Variants in AGBL1 observed in about 807,000 individuals in gnomAD.
The protein encoded by AGBL1 is AGBL carboxypeptidase 1, also known as cytosolic carboxypeptidase 4.
AGBL1 carries 130 observed loss-of-function variants against 118.9 expected under a neutral mutation model. The ratio of observed to expected loss-of-function variants is 1.09; its 90% CI spans 0.95 to 1.26. AGBL1 has a LOEUF of 1.26. Among genes scored for constraint, AGBL1 ranks in the 50% most tolerant of loss-of-function variants. AGBL1 has a pLI of 0.00. For missense variants in AGBL1, 1,584 were observed against 1,298.1 expected, an observed-to-expected ratio of 1.22 and a Z score of -3.38; for synonymous variants, 555 against 478.9, an observed-to-expected ratio of 1.16 and a Z score of -2.08.
chr15:86,746,489 G>A (rs974919212), intron 22 of AGBL1, among the ~76,000 whole-genome samples: 3 of 151,846 alleles, frequency 2.0e-5, no homozygotes, highest in Non-Finnish European at 2.9e-5. Flanking sequence ...CAGAGCTCAG[G>A]CCTAGACTTA....
chr15:86,441,787 G>A (rs1037694233), intron 18 of AGBL1, among the ~76,000 whole-genome samples: 7 of 152,218 alleles, frequency 4.6e-5, no homozygotes, highest in Non-Finnish European at 7.3e-5. Flanking sequence ...AGTTAAGCCA[G>A]AATCTTCTGT....
chr15:86,321,843 T>C (rs2080109808), intron 17 of AGBL1, among the ~76,000 whole-genome samples: 1 of 149,172 alleles, frequency 6.7e-6, no homozygotes, highest in Non-Finnish European at 1.5e-5. Flanking sequence ...GGCTTTTCTA[T>C]GTGATATTTT....
At chr15:86,131,609 A>T (rs973591292) in intron 1 of AGBL1, among the ~76,000 whole-genome samples, 2 of 152,192 alleles carry the variant, frequency 1.3e-5, no homozygotes, top group African/African-American at 4.8e-5. Flanking sequence ...TTTAAGAATT[A>T]AGCAGTAAAT....
At chr15:86,935,085 T>G (rs1011956213) in intron 23 of AGBL1, 1 of 152,218 alleles carries the variant, frequency 6.6e-6, no homozygotes, top group Non-Finnish European at 1.5e-5. Flanking sequence ...TCCTCCAGGC[T>G]GAACCAGATT....
intron 18 of AGBL1, among the ~76,000 whole-genome samples, chr15:86,445,886 T>C (rs1430681929): frequency 1.3e-5 from 2 of 152,166 alleles, no homozygotes; most frequent in Admixed American, 1.3e-4. Flanking sequence ...GACAGTGACA[T>C]ATGGGAAAGG....
At chr15:86,126,664 G>A (rs1898452779) in intron 1 of AGBL1, among the ~76,000 whole-genome samples, 1 of 152,120 alleles carries the variant, frequency 6.6e-6, no homozygotes, top group Non-Finnish European at 1.5e-5. Flanking sequence ...CTGAAGAAGG[G>A]GTTAGTGGGA....
chr15:86,483,272 C>G (rs991061073), intron 18 of AGBL1, among the ~76,000 whole-genome samples: 12 of 152,062 alleles, frequency 7.9e-5, no homozygotes, highest in African/African-American at 2.9e-4. Flanking sequence ...AGAACCACTT[C>G]ATGGTTGATG....
At chr15:86,357,958 C>T (rs1051114127) in intron 17 of AGBL1, among the ~76,000 whole-genome samples, 4 of 152,066 alleles carry the variant, frequency 2.6e-5, no homozygotes, top group African/African-American at 9.7e-5. Flanking sequence ...TGTGCAGATA[C>T]ATTGTGAAAT....
At chr15:86,790,470 T>C (rs1016342182) in intron 22 of AGBL1, among the ~76,000 whole-genome samples, 2 of 152,170 alleles carry the variant, frequency 1.3e-5, no homozygotes, top group African/African-American at 4.8e-5. Context: ...TGTTTGAGCT[T>C]CCTCAGAGCT....
At chr15:86,647,512 C>G (rs2085302315) in intron 21 of AGBL1, among the ~76,000 whole-genome samples, 2 of 152,086 alleles carry the variant, frequency 1.3e-5, no homozygotes, top group African/African-American at 4.8e-5. Context: ...ACCAGCCTGC[C>G]CAACATGGTG....
chr15:86,084,183 T>C (rs1385402765), intron 1 of AGBL1, among the ~76,000 whole-genome samples: 1 of 152,192 alleles, frequency 6.6e-6, no homozygotes, highest in East Asian at 1.9e-4. Flanking sequence ...AGGAATGGCT[T>C]TGTGACAATC....
intron 18 of AGBL1, among the ~76,000 whole-genome samples, chr15:86,502,729 A>G (rs917247226): frequency 2.0e-5 from 3 of 151,458 alleles, no homozygotes; most frequent in East Asian, 1.9e-4. Flanking sequence ...ATGGATTTAC[A>G]TACATTGAAC....
At chr15:86,561,001 A>G (rs1399925144) in intron 21 of AGBL1, among the ~76,000 whole-genome samples, 1 of 151,924 alleles carries the variant, frequency 6.6e-6, no homozygotes, top group Non-Finnish European at 1.5e-5. Context: ...TTTTCTTGTA[A>G]ATTTGTTTGA....
intron 22 of AGBL1, among the ~76,000 whole-genome samples, chr15:86,767,825 T>C (rs1194807905): frequency 6.6e-6 from 1 of 151,996 alleles, no homozygotes; most frequent in Non-Finnish European, 1.5e-5. Flanking sequence ...CTGTAAAGCA[T>C]GCCACCATCT....
chr15:86,466,141 C>T (rs1041131818), intron 18 of AGBL1, among the ~76,000 whole-genome samples: 3 of 152,088 alleles, frequency 2.0e-5, no homozygotes, highest in Admixed American at 1.3e-4. Flanking sequence ...CTGGTTCCCC[C>T]GATATTTGGT....
chr15:86,969,059 T>C (rs904016905), intron 23 of AGBL1, among the ~76,000 whole-genome samples: 10 of 151,984 alleles, frequency 6.6e-5, no homozygotes, highest in Non-Finnish European at 1.5e-5. Context: ...ACTCTGCCCA[T>C]GGCCTCCCAA....
At chr15:86,616,174 TA>T (rs1300804069) in intron 21 of AGBL1, among the ~76,000 whole-genome samples, 1 of 151,706 alleles carries the variant, frequency 6.6e-6, no homozygotes, top group African/African-American at 2.4e-5. Flanking sequence ...CCGTCTCTAC[TA>T]AAAGTACAGA....
intron 22 of AGBL1, among the ~76,000 whole-genome samples, chr15:86,868,434 G>A (rs1312837109): frequency 6.6e-6 from 1 of 152,184 alleles, no homozygotes; most frequent in Non-Finnish European, 1.5e-5. Context: ...TTAGCACCAA[G>A]CTAAGGGAAT....
At chr15:86,768,715 A>C (rs1168112723) in intron 22 of AGBL1, among the ~76,000 whole-genome samples, 1 of 151,974 alleles carries the variant, frequency 6.6e-6, no homozygotes, top group Non-Finnish European at 1.5e-5. Flanking sequence ...TATAAAAATT[A>C]AACCATATGA....
Sources: gnomAD v4.1 joint callset for allele counts (sites outside exome capture counted in the v4.1 genomes callset) on GRCh38, gnomAD v4.1.1 for gene constraint, MANE v1.5 for transcripts, NCBI Gene and HGNC (gene_info 2026-07-23, HGNC 2026-07-21) for gene names.